OPCML: variants seen among roughly 807,000 people sequenced by gnomAD.
OPCML encodes opioid binding protein/cell adhesion molecule like, also known as opioid-binding protein/cell adhesion molecule.
OPCML carries 13 observed loss-of-function variants against 37.8 expected under a neutral mutation model. That is an observed-to-expected ratio of 0.34 (90% CI 0.22 to 0.55). The LOEUF is 0.55. Among genes scored for constraint, OPCML ranks in the 20% least tolerant of loss-of-function variants. The probability of loss-of-function intolerance (pLI) is 0.91; values close to 1 mark genes in which losing one functional copy is unlikely to be tolerated. For synonymous variants in OPCML, 176 were observed against 168.8 expected (o/e 1.04, Z -0.33); for missense variants, 341 against 435.6 (o/e 0.78, Z 1.93).
intron 1 of OPCML, among the ~76,000 whole-genome samples, chr11:133,371,642 C>A (rs1251704265): frequency 2.0e-5 from 3 of 152,146 alleles, no homozygotes; most frequent in African/African-American, 7.2e-5. Flanking sequence ...GCCTGCTTCC[C>A]CTTTGTCTTC....
chr11:132,758,864 T>C (rs1946159257), intron 2 of OPCML, among the ~76,000 whole-genome samples: 1 of 152,230 alleles, frequency 6.6e-6, no homozygotes. Context: ...AGAGAGGGCA[T>C]CCTTGTCTTG....
chr11:133,095,286 T>G (rs1326210787), intron 1 of OPCML, among the ~76,000 whole-genome samples: 10 of 143,852 alleles, frequency 7.0e-5, no homozygotes, highest in African/African-American at 1.3e-4. Context: ...TGTTTTTTTT[T>G]TTTTTTTTTT....
intron 1 of OPCML, chr11:133,118,407 C>T (rs1949369481): frequency 2.0e-6 from 2 of 985,248 alleles, no homozygotes; most frequent in Non-Finnish European, 2.4e-6. Context: ...TCAGGGCTGG[C>T]CTTCCTTTCA....
In OPCML at chr11:133,296,811, C is replaced by T. The variant is rs554880963; in HGVS notation, c.61+235453G>A. On this transcript the variant is annotated intron_variant, in intron 1 of 7. Coordinates refer to ENST00000524381, the MANE Select transcript of OPCML (RefSeq NM_001012393.5). ...GTAGAAATGAAATTATTATAATTCA[C>T]TTAGATGTTTGGTTGAAGTTCACTT... Among the ~76,000 whole-genome samples the T allele has an allele frequency of 7.4e-4, 112 of 152,256 alleles. 1 individual carries two copies. The highest frequency in any genetic ancestry group is 2.5e-3 in the African/African-American group (103 of 41,552).
intron 2 of OPCML, among the ~76,000 whole-genome samples, chr11:132,681,074 G>T (rs955381104): frequency 2.0e-5 from 3 of 152,224 alleles, no homozygotes; most frequent in African/African-American, 7.2e-5. Flanking sequence ...GGCAACCAGA[G>T]GAGAGTGAGG....
intron 2 of OPCML, among the ~76,000 whole-genome samples, chr11:132,821,113 A>G (rs1412191262): frequency 6.6e-6 from 1 of 152,188 alleles, no homozygotes; most frequent in Non-Finnish European, 1.5e-5. Context: ...TGCTGACTCT[A>G]GCATGCAAAT....
intron 1 of OPCML, among the ~76,000 whole-genome samples, chr11:133,079,311 TCC>T (rs1191296787): frequency 6.6e-6 from 1 of 152,066 alleles, no homozygotes; most frequent in Non-Finnish European, 1.5e-5. Flanking sequence ...CTGAATAATC[TCC>T]CCTTTCCGGA....
chr11:133,244,423 A>G (rs1220818815), intron 1 of OPCML, among the ~76,000 whole-genome samples: 3 of 152,076 alleles, frequency 2.0e-5, no homozygotes, highest in African/African-American at 7.2e-5. Context: ...ATCAAGACCA[A>G]TGAGTTAACC....
intron 1 of OPCML, among the ~76,000 whole-genome samples, chr11:133,508,708 C>T (rs185298381): frequency 6.9e-4 from 105 of 152,234 alleles, no homozygotes; most frequent in African/African-American, 2.2e-3. Context: ...TCTTCTGCCC[C>T]GTGACTTTAC....
At chr11:133,301,454 A>G (rs1036448967) in intron 1 of OPCML, 1 of 152,226 alleles carries the variant, frequency 6.6e-6, no homozygotes, top group African/African-American at 2.4e-5. Flanking sequence ...CACCACAAAA[A>G]TACGAATTTG....
intron 3 of OPCML, among the ~76,000 whole-genome samples, chr11:132,531,698 GA>G (rs1420173589): frequency 6.6e-6 from 1 of 150,636 alleles, no homozygotes; most frequent in Non-Finnish European, 1.5e-5. Flanking sequence ...TACATGCTGG[GA>G]AAAAAATAGT....
chr11:133,152,970 G>T (rs573154879), intron 1 of OPCML, among the ~76,000 whole-genome samples: 1 of 152,042 alleles, frequency 6.6e-6, no homozygotes, highest in South Asian at 2.1e-4. Context: ...CCTTGGCAGC[G>T]ATTGGCGAGG....
At chr11:133,252,347 A>G (rs984429239) in intron 1 of OPCML, among the ~76,000 whole-genome samples, 3 of 152,194 alleles carry the variant, frequency 2.0e-5, no homozygotes, top group Admixed American at 1.3e-4. Context: ...GGGTTGATGA[A>G]GCTTCGGGTA....
intron 2 of OPCML, among the ~76,000 whole-genome samples, chr11:132,746,806 G>A (rs1945650136): frequency 6.6e-6 from 1 of 152,176 alleles, no homozygotes; most frequent in Non-Finnish European, 1.5e-5. Flanking sequence ...TCTGAGAACT[G>A]AAGAGAAAAG....
chr11:133,133,101 GA>G (rs1320228258), intron 1 of OPCML, among the ~76,000 whole-genome samples: 1 of 152,162 alleles, frequency 6.6e-6, no homozygotes, highest in Non-Finnish European at 1.5e-5. Context: ...CACACAGCCT[GA>G]AAATTCTCTG....
At chr11:133,192,749 T>A (rs2136304436) in intron 1 of OPCML, among the ~76,000 whole-genome samples, 1 of 152,324 alleles carries the variant, frequency 6.6e-6, no homozygotes, top group East Asian at 1.9e-4. Flanking sequence ...GAATATCAAT[T>A]TCTATAAGGG....
At chr11:133,262,514 G>A (rs1214645933) in intron 1 of OPCML, among the ~76,000 whole-genome samples, 1 of 152,206 alleles carries the variant, frequency 6.6e-6, no homozygotes, top group Non-Finnish European at 1.5e-5. Context: ...CCATTCTGCA[G>A]AGGAAAGTAC....
At chr11:132,706,025 C>G (rs533063875) in intron 2 of OPCML, among the ~76,000 whole-genome samples, 36 of 152,146 alleles carry the variant, frequency 2.4e-4, no homozygotes, top group African/African-American at 7.7e-4. Flanking sequence ...CCAGGCTGGT[C>G]TCAAACTCCT....
chr11:132,576,072 T>C (rs2096449914), intron 3 of OPCML, among the ~76,000 whole-genome samples: 1 of 152,120 alleles, frequency 6.6e-6, no homozygotes, highest in South Asian at 2.1e-4. Context: ...TTTCTCTTGA[T>C]ACTTTCAAAA....
Sources: gnomAD v4.1 joint callset for allele counts (sites outside exome capture counted in the v4.1 genomes callset) on GRCh38, gnomAD v4.1.1 for gene constraint, MANE v1.5 for transcripts, NCBI Gene and HGNC (gene_info 2026-07-23, HGNC 2026-07-21) for gene names.